CLDN14: variants seen among roughly 807,000 people sequenced by gnomAD.
CLDN14 encodes the protein claudin 14, also known as claudin-14.
In CLDN14, 2 loss-of-function variants were observed where a neutral mutation model predicts 2.1. The ratio of observed to expected loss-of-function variants is 0.96; its 90% CI spans 0.39 to 3.01. The LOEUF (loss-of-function observed/expected upper bound fraction) is 3.01, where lower values mean the gene tolerates loss of function less well. Among genes scored for constraint, CLDN14 ranks in the 30% most tolerant of loss-of-function variants. The probability of loss-of-function intolerance (pLI) is 0.09; values close to 1 mark genes in which losing one functional copy is unlikely to be tolerated. For missense variants in CLDN14, 298 were observed against 328.0 expected, an observed-to-expected ratio of 0.91 and a Z score of 0.71; for synonymous variants, 136 against 154.4, an observed-to-expected ratio of 0.88 and a Z score of 0.88.
chr21:36,554,968 T>C (rs2087588509), intron 1 of CLDN14, among the ~76,000 whole-genome samples: 1 of 152,216 alleles, frequency 6.6e-6, no homozygotes, highest in Non-Finnish European at 1.5e-5. Context: ...TCCTCAATCA[T>C]TGAGCATCTT....
At chr21:36,575,606 G>A (rs2087736717) in intron 1 of CLDN14, among the ~76,000 whole-genome samples, 1 of 152,244 alleles carries the variant, frequency 6.6e-6, no homozygotes, top group Admixed American at 6.5e-5. Context: ...CACTGTGTCT[G>A]ATAATGAAGA....
intron 1 of CLDN14, among the ~76,000 whole-genome samples, chr21:36,535,410 A>G (rs1226572695): frequency 8.9e-6 from 1 of 111,994 alleles, no homozygotes; most frequent in East Asian, 2.7e-4. Flanking sequence ...ATAAATAAAT[A>G]AAAGTAAAAA....
At chr21:36,511,951 G>A (rs954609446) in intron 1 of CLDN14, among the ~76,000 whole-genome samples, 1 of 152,066 alleles carries the variant, frequency 6.6e-6, no homozygotes, top group Non-Finnish European at 1.5e-5. Flanking sequence ...CACCTCAAAG[G>A]GTTATTAAGA....
intron 1 of CLDN14, among the ~76,000 whole-genome samples, chr21:36,470,449 G>A (rs917252050): frequency 1.4e-4 from 21 of 151,922 alleles, no homozygotes; most frequent in African/African-American, 4.3e-4. Flanking sequence ...AGCAACCCGC[G>A]GAGAATCGCC....
At chr21:36,512,105 G>A (rs2087191479) in intron 1 of CLDN14, among the ~76,000 whole-genome samples, 1 of 152,194 alleles carries the variant, frequency 6.6e-6, no homozygotes, top group Admixed American at 6.5e-5. Context: ...AAGAGATAAT[G>A]TCTAAGTTTG....
At chr21:36,469,645 T>G (rs1377564947) in intron 1 of CLDN14, among the ~76,000 whole-genome samples, 1 of 152,182 alleles carries the variant, frequency 6.6e-6, no homozygotes, top group African/African-American at 2.4e-5. Flanking sequence ...TGAATACAAA[T>G]GAAAACCATG....
At chr21:36,536,567 G>C (rs543950395) in intron 1 of CLDN14, among the ~76,000 whole-genome samples, 1 of 150,142 alleles carries the variant, frequency 6.7e-6, no homozygotes, top group African/African-American at 2.5e-5. Flanking sequence ...TGCAAGTAAA[G>C]ATCATGTTTC....
At chr21:36,539,922 G>A (rs2087472481) in intron 1 of CLDN14, among the ~76,000 whole-genome samples, 1 of 151,164 alleles carries the variant, frequency 6.6e-6, no homozygotes, top group East Asian at 1.9e-4. Context: ...GAGTGTGTCT[G>A]TGGAGTGTGT....
At chr21:36,574,090 A>T (rs1289939985) in intron 1 of CLDN14, among the ~76,000 whole-genome samples, 2 of 152,178 alleles carry the variant, frequency 1.3e-5, no homozygotes, top group South Asian at 2.1e-4. Flanking sequence ...AAGGATCTAG[A>T]ATATCTGAAA....
chr21:36,516,926 C>T (rs1030470275), intron 1 of CLDN14, among the ~76,000 whole-genome samples: 7 of 152,348 alleles, frequency 4.6e-5, no homozygotes, highest in East Asian at 3.9e-4. Flanking sequence ...CCGCAACCTC[C>T]GCTTCCCGGG....
chr21:36,465,115 T>C (rs2086628962), intron 1 of CLDN14, among the ~76,000 whole-genome samples: 1 of 152,178 alleles, frequency 6.6e-6, no homozygotes, highest in South Asian at 2.1e-4. Flanking sequence ...CAGAGGCTCC[T>C]CCAGGTGCCC....
intron 1 of CLDN14, among the ~76,000 whole-genome samples, chr21:36,511,070 G>A (rs1350822346): frequency 1.3e-5 from 2 of 152,196 alleles, no homozygotes; most frequent in East Asian, 1.9e-4. Flanking sequence ...CTAGTTCTCC[G>A]ATGGTCATGG....
chr21:36,490,318 C>T (rs2086947747), intron 2 of CLDN14, among the ~76,000 whole-genome samples: 1 of 152,100 alleles, frequency 6.6e-6, no homozygotes, highest in Non-Finnish European at 1.5e-5. Context: ...ATCCTCCTGC[C>T]TCAGCCTCCC....
chr21:36,547,949 T>C (rs960072431), intron 1 of CLDN14, among the ~76,000 whole-genome samples: 1 of 152,360 alleles, frequency 6.6e-6, no homozygotes, highest in African/African-American at 2.4e-5. Flanking sequence ...TTTGGAAACA[T>C]TACCTGGCGG....
chr21:36,523,763 G>A (rs949269455), intron 1 of CLDN14, among the ~76,000 whole-genome samples: 13 of 20,154 alleles, frequency 6.5e-4, no homozygotes, highest in South Asian at 2.0e-3. Flanking sequence ...AAAAAAAAAA[G>A]AAAGAAAGAG....
In CLDN14 at chr21:36,461,770, C is replaced by T. The variant is rs537529014; in HGVS notation, c.-75G>A. On this transcript the variant is annotated 5_prime_UTR_variant, in exon 2 of 2. Coordinates refer to ENST00000399135, the MANE Select transcript of CLDN14 (RefSeq NM_001146079.2). ...GTCACGCCGCTCCTCAGGTGCCAGC[C>T]GGAGCCCTAATGAAGCCAAGGGAGG... 1.8e-4 allele frequency: 272 copies of T among 1,528,724 alleles called. 2 individuals are homozygous for T. Among genetic ancestry groups the T allele is most frequent in the Admixed American group, 1.0e-3 (52 of 50,434 alleles). 94.7% of individuals were successfully genotyped at this position (1,528,724 alleles called of 1,614,324 possible).
chr21:36,532,329 C>A (rs952734997), intron 1 of CLDN14: 1 of 151,412 alleles, frequency 6.6e-6, no homozygotes, highest in Non-Finnish European at 1.5e-5. Flanking sequence ...TTCACCCATG[C>A]GGTTGGAATG....
chr21:36,564,655 G>A (rs1354526593), intron 1 of CLDN14, among the ~76,000 whole-genome samples: 1 of 152,174 alleles, frequency 6.6e-6, no homozygotes, highest in Non-Finnish European at 1.5e-5. Context: ...AGACGCCCAT[G>A]CCCTCATCTC....
intron 1 of CLDN14, among the ~76,000 whole-genome samples, chr21:36,529,327 C>T (rs112364933): frequency 0.014 from 2,160 of 152,020 alleles, 58 homozygotes; most frequent in African/African-American, 0.05. Context: ...CTCTGTCTGT[C>T]GCCCAGGCTA....
Sources: allele counts gnomAD v4.1 joint callset (sites outside exome capture counted in the v4.1 genomes callset), GRCh38; gene constraint gnomAD v4.1.1; transcripts MANE v1.5; gene names NCBI Gene and HGNC (gene_info 2026-07-23, HGNC 2026-07-21).